The following STAG1 variants were observed in gnomAD, a reference collection of about 807,000 sequenced individuals.
STAG1 encodes cohesin subunit SA-1.
In STAG1, 26 loss-of-function variants were observed where a neutral mutation model predicts 170.9. The observed-to-expected ratio is 0.15, with a 90% CI of 0.11 to 0.21. The LOEUF (loss-of-function observed/expected upper bound fraction) is 0.21. Ranked by LOEUF, STAG1 falls within the 10% of genes least tolerant of loss-of-function variation. STAG1 has a pLI of 1.00. For missense variants in STAG1, 964 were observed against 1,509.5 expected, an observed-to-expected ratio of 0.64 and a Z score of 5.99; for synonymous variants, 514 against 497.7, an observed-to-expected ratio of 1.03 and a Z score of -0.44.
At chr3:136,597,075 TA>T (rs907689697) in intron 4 of STAG1, among the ~76,000 whole-genome samples, 139 of 152,062 alleles carry the variant, frequency 9.1e-4, no homozygotes, top group African/African-American at 3.3e-3. Flanking sequence ...GACTGTATCT[TA>T]AAAAAAAATT....
chr3:136,349,337 G>C lies in STAG1; in HGVS notation c.3092C>G (p.Thr1031Ser). Residue 1031 changes from threonine to serine, a missense_variant, in exon 29 of 34, where the codon ACC becomes AGC. This residue lies in a region of STAG1 where 149 missense variants were observed against 301.3 expected (regional missense o/e 0.49). Transcript: ENST00000383202. The part of the protein sequence containing the change: ...TVHSYLEKFL[T>S]EQMMERREDV... ...CTCCCTCCTTTCCATCATCTGCTCG[G>C]TAAGGAATTTCTCTAGGTATGAATG... 1 of 1,613,824 alleles carries C rather than the reference G, an allele frequency of 6.2e-7. No individual in the cohort carries two copies. Among genetic ancestry groups the C allele is most frequent in the Non-Finnish European group, 8.5e-7 (1 of 1,179,790 alleles).
chr3:136,702,985 T>C (rs1943125235), intron 1 of STAG1, among the ~76,000 whole-genome samples: 2 of 151,078 alleles, frequency 1.3e-5, no homozygotes, highest in Admixed American at 1.3e-4. Flanking sequence ...GGAGAATCAT[T>C]TGAACCCGGG....
intron 9 of STAG1, 124 bp from the exon 10 acceptor site, chr3:136,477,536 T>C (rs924717922): frequency 2.9e-5 from 23 of 797,298 alleles, no homozygotes; most frequent in Non-Finnish European, 4.0e-5. Context: ...CTGAATGGCC[T>C]CCAACTTAAG....
chr3:136,461,341 G>A (rs1203528827), intron 13 of STAG1, among the ~76,000 whole-genome samples: 1 of 152,138 alleles, frequency 6.6e-6, no homozygotes, highest in African/African-American at 2.4e-5. Context: ...AGTTAGGCAA[G>A]AGAATGAAAT....
intron 15 of STAG1, 87 bp from the exon 16 acceptor site, chr3:136,433,746 A>G (rs2088377265): frequency 3.3e-6 from 3 of 896,496 alleles, no homozygotes; most frequent in Admixed American, 4.7e-5. Context: ...AAAAAACTGA[A>G]AACATTCTAT....
rs183418718 is a variant in STAG1 at position 136,517,144 on chromosome 3, T to C, written c.676+4069A>G. ...ACCATAAGGTATAAAGAAATGTTTA[T>C]CCCTCAGGAGTCTGAGAGTGACTTA... is the stretch of plus-strand genomic sequence containing the variant. On this transcript the variant is annotated intron_variant, in intron 7 of 33. Coordinates refer to ENST00000383202, the MANE Select transcript of STAG1 (RefSeq NM_005862.3). 3.3e-4 allele frequency among the ~76,000 whole-genome samples: 50 copies of C among 152,292 alleles called. No homozygotes were observed. In the East Asian group the frequency reaches 7.5e-3, roughly 23 times the overall value.
chr3:136,373,966 G>A (rs1421086327), intron 23 of STAG1, among the ~76,000 whole-genome samples: 1 of 152,110 alleles, frequency 6.6e-6, no homozygotes, highest in East Asian at 1.9e-4. Flanking sequence ...TTATTATTGT[G>A]TGGGAGTCTA....
intron 1 of STAG1, among the ~76,000 whole-genome samples, chr3:136,640,361 T>C (rs1940743697): frequency 6.6e-6 from 1 of 151,828 alleles, no homozygotes; most frequent in South Asian, 2.1e-4. Context: ...GTTCCACCAT[T>C]AGATAACTTT....
intron 20 of STAG1, among the ~76,000 whole-genome samples, chr3:136,419,217 A>T (rs1272636323): frequency 6.8e-6 from 1 of 146,346 alleles, no homozygotes; most frequent in South Asian, 2.2e-4. Flanking sequence ...TTTTTTAAAA[A>T]AATAAAAGTT....
intron 9 of STAG1, among the ~76,000 whole-genome samples, chr3:136,489,903 T>C: frequency 6.6e-6 from 1 of 152,104 alleles, no homozygotes; most frequent in South Asian, 2.1e-4. Flanking sequence ...GAGAAGGTGG[T>C]CAAGGAAGGC....
intron 21 of STAG1, among the ~76,000 whole-genome samples, chr3:136,400,567 G>A (rs1321552541): frequency 1.3e-5 from 2 of 149,970 alleles, no homozygotes; most frequent in African/African-American, 2.5e-5. Flanking sequence ...ACGAAGTCTC[G>A]CTTTGTTGCC....
chr3:136,597,155 ATTTT>A (rs1337926425), intron 4 of STAG1, among the ~76,000 whole-genome samples: 3 of 152,132 alleles, frequency 2.0e-5, no homozygotes, highest in Non-Finnish European at 4.4e-5. Flanking sequence ...TGGGATTTTT[ATTTT>A]TTTGTTAGTA....
intron 3 of STAG1, among the ~76,000 whole-genome samples, chr3:136,613,313 C>CAAAAAAAAAAAAAAAAAAAAAAAA (rs60449608): frequency 5.0e-5 from 3 of 59,758 alleles, no homozygotes; most frequent in African/African-American, 2.1e-4. Flanking sequence ...GACTCCGTCT[C>CAAAAAAAAAAAAAAAAAAAAAAAA]AAAAAAAAAA....
At chr3:136,586,824 T>A (rs1258795204) in intron 4 of STAG1, 1 of 456,636 alleles carries the variant, frequency 2.2e-6, no homozygotes, top group East Asian at 6.9e-5. Context: ...TAAGTTCCCA[T>A]CAATGGAATG....
intron 1 of STAG1, among the ~76,000 whole-genome samples, chr3:136,699,511 T>C (rs1281552661): frequency 6.6e-6 from 1 of 151,990 alleles, no homozygotes; most frequent in African/African-American, 2.4e-5. Flanking sequence ...CCACCTCAGA[T>C]TTACAAGTAG....
chr3:136,643,377 A>G (rs1166406360), intron 1 of STAG1, among the ~76,000 whole-genome samples: 6 of 152,220 alleles, frequency 3.9e-5, no homozygotes, highest in Admixed American at 3.9e-4. Flanking sequence ...AGAGTTTCAG[A>G]TGAGAAGTTC....
chr3:136,579,115 T>C (rs1013088259), intron 4 of STAG1, among the ~76,000 whole-genome samples: 3 of 152,182 alleles, frequency 2.0e-5, no homozygotes, highest in Admixed American at 2.0e-4. Flanking sequence ...GAAGAATGAC[T>C]ATGGACTATA....
At chr3:136,720,069 G>A (rs1335137986) in intron 1 of STAG1, among the ~76,000 whole-genome samples, 2 of 151,720 alleles carry the variant, frequency 1.3e-5, no homozygotes, top group African/African-American at 2.4e-5. Flanking sequence ...CCAGCTACTC[G>A]GAAGGCTGAG....
chr3:136,739,779 G>A (rs1175705125), intron 1 of STAG1, among the ~76,000 whole-genome samples: 11 of 151,848 alleles, frequency 7.2e-5, no homozygotes, highest in South Asian at 2.1e-4. Flanking sequence ...AGCCGAGATC[G>A]CGCCACTGCA....
Sources: allele counts gnomAD v4.1 joint callset (sites outside exome capture counted in the v4.1 genomes callset), GRCh38; gene constraint gnomAD v4.1.1; regional missense constraint gnomAD v4.1.1; transcripts MANE v1.5; gene names NCBI Gene and HGNC (gene_info 2026-07-23, HGNC 2026-07-21).